Variants in POLK observed in about 807,000 individuals in gnomAD.
POLK encodes the protein DNA polymerase kappa, also known as polymerase (DNA directed) kappa.
Under a neutral mutation model 94.0 loss-of-function variants are expected in POLK, and 76 were observed. That is an observed-to-expected ratio of 0.81 (90% CI 0.67 to 0.98). The LOEUF is 0.98. POLK is among the 50% of genes least tolerant of loss of function. The pLI, the probability that POLK is intolerant of heterozygous loss-of-function variation, is 0.00. For missense variants in POLK, 954 were observed against 1,010.1 expected (o/e 0.94, Z 0.75); for synonymous variants, 349 against 325.4 (o/e 1.07, Z -0.78).
chr5:75,598,216 C>A (rs1331334919), exon 15 of POLK: 2 of 307,864 alleles, frequency 6.5e-6, no homozygotes, highest in Non-Finnish European at 1.2e-5. Flanking sequence ...ATTTTACTTC[C>A]ATTATACATC....
chr5:75,515,701 T>C (rs951778694), intron 1 of POLK, among the ~76,000 whole-genome samples: 1 of 152,272 alleles, frequency 6.6e-6, no homozygotes, highest in Non-Finnish European at 1.5e-5. Context: ...CCATAGTGAC[T>C]GTACTAATTT....
chr5:75,583,036 C>A, intron 7 of POLK: 1 of 259,848 alleles, frequency 3.8e-6, no homozygotes, highest in Non-Finnish European at 7.2e-6. Context: ...AGAAATTACT[C>A]TTACATTTTA....
chr5:75,608,001 C>A, the POLK span, among the ~76,000 whole-genome samples: 1 of 152,108 alleles, frequency 6.6e-6, no homozygotes, highest in African/African-American at 2.4e-5. Context: ...TGAACAGGAC[C>A]TGGTTTTAAA....
intron 1 of POLK, among the ~76,000 whole-genome samples, chr5:75,543,010 C>CTTATTTATTTATTTAT (rs61605357): frequency 7.7e-5 from 10 of 130,448 alleles, no homozygotes; most frequent in Admixed American, 2.3e-4. Context: ...CGCGCCCAGC[C>CTTATTTATTTATTTAT]TTATTTATTT....
At chr5:75,551,697 TAATA>T (rs1770343019) in intron 2 of POLK, among the ~76,000 whole-genome samples, 1 of 152,198 alleles carries the variant, frequency 6.6e-6, no homozygotes, top group African/African-American at 2.4e-5. Flanking sequence ...AGAATAGCTA[TAATA>T]AATAAGACAC....
intron 10 of POLK, among the ~76,000 whole-genome samples, chr5:75,589,579 T>A (rs1772668335): frequency 6.6e-6 from 1 of 151,910 alleles, no homozygotes; most frequent in African/African-American, 2.4e-5. Context: ...GCTTCCCGAG[T>A]AGCTGGGACT....
chr5:75,573,606 C>CA, intron 4 of POLK, 132 bp from the exon 5 acceptor site: 1 of 728,182 alleles, frequency 1.4e-6, no homozygotes, highest in Non-Finnish European at 2.2e-6. Context: ...AAAACAAAAA[C>CA]AAAAAACTGG....
chr5:75,542,611 A>G (rs1769794800), intron 1 of POLK, among the ~76,000 whole-genome samples: 1 of 150,514 alleles, frequency 6.6e-6, no homozygotes, highest in South Asian at 2.1e-4. Flanking sequence ...ATATACACAT[A>G]TACACATATA....
At chr5:75,535,567 C>T (rs942362643) in intron 1 of POLK, among the ~76,000 whole-genome samples, 7 of 152,168 alleles carry the variant, frequency 4.6e-5, no homozygotes, top group Admixed American at 6.5e-5. Context: ...CTTTCTCTCT[C>T]TCTCTTTTAG....
chr5:75,560,521 T>A (rs1254335131), intron 3 of POLK, among the ~76,000 whole-genome samples: 1 of 152,172 alleles, frequency 6.6e-6, no homozygotes, highest in South Asian at 2.1e-4. Context: ...TTTAAAAAAA[T>A]TTGTTTTTTT....
At chr5:75,530,773 C>T (rs1054021100) in intron 1 of POLK, among the ~76,000 whole-genome samples, 3 of 150,446 alleles carry the variant, frequency 2.0e-5, no homozygotes, top group Admixed American at 6.6e-5. Flanking sequence ...AGCACTGTAG[C>T]AGTTTTTGCC....
Position 75,531,098 on chromosome 5 carries a change from C to T in POLK, c.-13-15912C>T, listed in dbSNP as rs531239231. Among the ~76,000 whole-genome samples, 5 of 151,890 alleles carry T rather than the reference C, an allele frequency of 3.3e-5. No individual in the cohort carries two copies. The South Asian group carries it at 6.2e-4, about 19-fold the overall frequency. On this transcript the variant is annotated intron_variant, in intron 1 of 14. Coordinates refer to ENST00000241436, the Ensembl canonical transcript of POLK. ...CTGGGATTACAGGCGTGAGCCACTG[C>T]ACCCAAACCCCTCTTGAAATTTATA...
chr5:75,605,004 C>T (rs1773384903), downstream of POLK, among the ~76,000 whole-genome samples: 1 of 152,104 alleles, frequency 6.6e-6, no homozygotes, highest in Non-Finnish European at 1.5e-5. Flanking sequence ...GTAACTGCTG[C>T]TGTCTACAGA....
chr5:75,537,891 C>G (rs1276255681), intron 1 of POLK, among the ~76,000 whole-genome samples: 2 of 151,562 alleles, frequency 1.3e-5, no homozygotes, highest in Non-Finnish European at 2.9e-5. Context: ...GAGTCTTGCT[C>G]TGTCGCCCAG....
intron 2 of POLK, among the ~76,000 whole-genome samples, chr5:75,548,703 AAAG>A (rs1038825799): frequency 1.3e-5 from 2 of 151,882 alleles, no homozygotes; most frequent in Non-Finnish European, 2.9e-5. Context: ...GGTTTAGCCA[AAAG>A]GAGGGGAAAG....
At chr5:75,541,055 G>A (rs1381859932) in intron 1 of POLK, among the ~76,000 whole-genome samples, 3 of 152,044 alleles carry the variant, frequency 2.0e-5, no homozygotes, top group East Asian at 1.9e-4. Context: ...AGACAGAGGC[G>A]GGCAGATTAC....
exon 13 of POLK, chr5:75,596,916 T>C: frequency 6.2e-7 from 1 of 1,613,488 alleles, no homozygotes; most frequent in Non-Finnish European, 8.5e-7. Flanking sequence ...TTGAACACTG[T>C]CATCAGAATT....
intron 1 of POLK, among the ~76,000 whole-genome samples, chr5:75,531,167 G>T (rs937481652): frequency 6.6e-6 from 1 of 150,976 alleles, no homozygotes; most frequent in African/African-American, 2.4e-5. Context: ...TTTTTTCCTC[G>T]AACAGGTTCT....
intron 3 of POLK, among the ~76,000 whole-genome samples, chr5:75,555,196 T>C (rs1770558621): frequency 6.6e-6 from 1 of 152,194 alleles, no homozygotes; most frequent in African/African-American, 2.4e-5. Context: ...ATATTGGTGG[T>C]GTACATTCTG....
Sources: gnomAD v4.1 joint callset for allele counts (sites outside exome capture counted in the v4.1 genomes callset) on GRCh38, gnomAD v4.1.1 for gene constraint, MANE v1.5 for transcripts, NCBI Gene and HGNC (gene_info 2026-07-23, HGNC 2026-07-21) for gene names.